Variants in NEK7 observed in about 807,000 individuals in gnomAD.
NEK7 encodes the protein NIMA related kinase 7.
NEK7 carries 18 observed loss-of-function variants against 44.6 expected under a neutral mutation model. That is an observed-to-expected ratio of 0.40 (90% CI 0.28 to 0.60). The LOEUF is 0.60. NEK7 is among the 20% of genes least tolerant of loss of function. NEK7 has a pLI of 0.38. For synonymous variants in NEK7, 130 were observed against 121.1 expected, an observed-to-expected ratio of 1.07 and a Z score of -0.48; for missense variants, 256 against 366.5, an observed-to-expected ratio of 0.70 and a Z score of 2.46.
chr1:198,227,315 G>A (rs570816928), intron 1 of NEK7, among the ~76,000 whole-genome samples: 5 of 152,272 alleles, frequency 3.3e-5, no homozygotes, highest in African/African-American at 1.2e-4. Flanking sequence ...TGTGAATAGT[G>A]CTGCTATAAA....
intron 1 of NEK7, among the ~76,000 whole-genome samples, chr1:198,172,900 G>A (rs181572384): frequency 6.6e-6 from 1 of 152,264 alleles, no homozygotes; most frequent in African/African-American, 2.4e-5. Flanking sequence ...TTAATAATAA[G>A]TAACAGTTTC....
At chr1:198,302,373 G>C (rs1447986241) in intron 9 of NEK7, among the ~76,000 whole-genome samples, 1 of 128,984 alleles carries the variant, frequency 7.8e-6, no homozygotes, top group Non-Finnish European at 1.6e-5. Flanking sequence ...TTTTTTTAAA[G>C]TTAGAGAAAT....
chr1:198,252,705 T>C (rs1653103617), intron 2 of NEK7, among the ~76,000 whole-genome samples: 1 of 150,782 alleles, frequency 6.6e-6, no homozygotes, highest in Admixed American at 6.7e-5. Context: ...AACATGTATG[T>C]ATGTTTACAT....
At chr1:198,207,822 A>T (rs1665643693) in intron 1 of NEK7, among the ~76,000 whole-genome samples, 1 of 152,212 alleles carries the variant, frequency 6.6e-6, no homozygotes, top group African/African-American at 2.4e-5. Flanking sequence ...AATTGTATAT[A>T]AGTTATACCT....
At chr1:198,158,594 G>A (rs1271996678) in intron 1 of NEK7, among the ~76,000 whole-genome samples, 2 of 152,228 alleles carry the variant, frequency 1.3e-5, no homozygotes, top group African/African-American at 4.8e-5. Context: ...GCTACAGTAT[G>A]TTTGGGACAA....
chr1:198,255,402 T>C (rs1653221601), intron 3 of NEK7, among the ~76,000 whole-genome samples: 2 of 152,106 alleles, frequency 1.3e-5, no homozygotes, highest in South Asian at 4.1e-4. Context: ...GGATCCCTTC[T>C]CTGATTCTGA....
chr1:198,280,186 G>A (rs1359605158), intron 7 of NEK7, among the ~76,000 whole-genome samples: 1 of 151,996 alleles, frequency 6.6e-6, no homozygotes, highest in Non-Finnish European at 1.5e-5. Flanking sequence ...CTTTAATAAA[G>A]TTTTATTGGG....
chr1:198,238,483 C>T (rs7549003), intron 2 of NEK7, among the ~76,000 whole-genome samples: 51,019 of 151,914 alleles, frequency 0.34, 9,794 homozygotes, highest in East Asian at 0.79. Context: ...AACCCCTGAC[C>T]CACTCTCTTG....
At chr1:198,292,543 G>T (rs1174057329) in intron 7 of NEK7, among the ~76,000 whole-genome samples, 3 of 151,572 alleles carry the variant, frequency 2.0e-5, no homozygotes, top group Non-Finnish European at 3.0e-5. Flanking sequence ...CTACTAAATT[G>T]TTATATTATT....
At chr1:198,200,812 A>G (rs529090853) in intron 1 of NEK7, among the ~76,000 whole-genome samples, 3 of 152,032 alleles carry the variant, frequency 2.0e-5, no homozygotes, top group African/African-American at 4.8e-5. Flanking sequence ...CGGCCTCCCA[A>G]AGTGTTGGGA....
At chr1:198,314,505 C>G (rs573452754) in intron 9 of NEK7, among the ~76,000 whole-genome samples, 1 of 152,156 alleles carries the variant, frequency 6.6e-6, no homozygotes, top group Non-Finnish European at 1.5e-5. Context: ...GGAGGAGAGG[C>G]GCTCTGCTTT....
chr1:198,218,908 A>C (rs761290786), intron 1 of NEK7, among the ~76,000 whole-genome samples: 5 of 152,000 alleles, frequency 3.3e-5, no homozygotes, highest in Non-Finnish European at 5.9e-5. Context: ...TCAAAAAGCC[A>C]TAGATTCTGG....
intron 9 of NEK7, among the ~76,000 whole-genome samples, chr1:198,316,045 A>G (rs76513982): frequency 0.082 from 12,556 of 152,270 alleles, 686 homozygotes; most frequent in East Asian, 0.17. Context: ...AACATTTGGT[A>G]GATTTTTCAA....
chr1:198,210,530 A>T (rs565020904), intron 1 of NEK7, among the ~76,000 whole-genome samples: 5 of 152,024 alleles, frequency 3.3e-5, no homozygotes, highest in Non-Finnish European at 7.4e-5. Context: ...ACCTTCTTAT[A>T]TGTAATCCCA....
chr1:198,216,632 A>G (rs745810747), intron 1 of NEK7, among the ~76,000 whole-genome samples: 12 of 151,788 alleles, frequency 7.9e-5, no homozygotes, highest in Non-Finnish European at 1.2e-4. Context: ...AGTACAAAAG[A>G]TCAGTGAAAC....
chr1:198,164,372 A>G (rs1273703767), intron 1 of NEK7, among the ~76,000 whole-genome samples: 1 of 152,142 alleles, frequency 6.6e-6, no homozygotes, highest in Non-Finnish European at 1.5e-5. Flanking sequence ...AAATCCTGCT[A>G]TTTGGGGGAC....
intron 1 of NEK7, among the ~76,000 whole-genome samples, chr1:198,184,943 A>C (rs979204924): frequency 6.6e-6 from 1 of 152,090 alleles, no homozygotes; most frequent in African/African-American, 2.4e-5. Flanking sequence ...TTCTGGCTTC[A>C]AGTCATTTTC....
At chr1:198,292,140 A>G (rs975143312) in intron 7 of NEK7, among the ~76,000 whole-genome samples, 8 of 152,034 alleles carry the variant, frequency 5.3e-5, no homozygotes, top group African/African-American at 1.9e-4. Context: ...AATTAAAGAT[A>G]CTCACTTTGA....
chr1:198,271,410 A>G (rs1653840262), intron 5 of NEK7, among the ~76,000 whole-genome samples: 1 of 152,012 alleles, frequency 6.6e-6, no homozygotes, highest in South Asian at 2.1e-4. Flanking sequence ...AATTAGCTAG[A>G]ATGTCAACCA....
Sources: allele counts gnomAD v4.1 joint callset (sites outside exome capture counted in the v4.1 genomes callset), GRCh38; gene constraint gnomAD v4.1.1; transcripts MANE v1.5; gene names NCBI Gene and HGNC (gene_info 2026-07-23, HGNC 2026-07-21).